Variants in CDK19 observed in about 807,000 individuals in gnomAD.
CDK19 encodes cyclin dependent kinase 19.
Under a neutral mutation model 68.3 loss-of-function variants are expected in CDK19, and 20 were observed. The ratio of observed to expected loss-of-function variants is 0.29; its 90% CI spans 0.21 to 0.43. The LOEUF is 0.43. Ranked by LOEUF, CDK19 falls within the 20% of genes least tolerant of loss-of-function variation. The probability of loss-of-function intolerance (pLI) is 1.00; values close to 1 mark genes in which losing one functional copy is unlikely to be tolerated. For missense variants in CDK19, 339 were observed against 623.5 expected (o/e 0.54, Z 4.86); for synonymous variants, 221 against 222.8 (o/e 0.99, Z 0.07).
At chr6:110,744,019 T>TTTG (rs1777884602) in intron 2 of CDK19, among the ~76,000 whole-genome samples, 1 of 148,410 alleles carries the variant, frequency 6.7e-6, no homozygotes, top group African/African-American at 2.5e-5. Flanking sequence ...ACGTTTTTTT[T>TTTG]TTTTTTTTTT....
At chr6:110,630,422 ATCC>A (rs1288750537) in intron 6 of CDK19, among the ~76,000 whole-genome samples, 23 of 152,132 alleles carry the variant, frequency 1.5e-4, no homozygotes, top group Admixed American at 1.5e-3. Context: ...GTCTCTTCCT[ATCC>A]TCTGGTTCCT....
At chr6:110,614,713 A>AGCATC in intron 12 of CDK19, 47 bp from the exon 13 acceptor site, 2 of 1,595,878 alleles carry the variant, frequency 1.3e-6, no homozygotes, top group Non-Finnish European at 1.7e-6. Flanking sequence ...GAGGAAGAGG[A>AGCATC]TGACTCAAGA....
chr6:110,749,418 T>G (rs1778306561), intron 1 of CDK19, among the ~76,000 whole-genome samples: 1 of 146,636 alleles, frequency 6.8e-6, no homozygotes, highest in Admixed American at 6.7e-5. Flanking sequence ...CCAAGTACAG[T>G]AGCACGATCT....
chr6:110,745,004 A>C (rs1402317591), intron 2 of CDK19, among the ~76,000 whole-genome samples: 10 of 152,240 alleles, frequency 6.6e-5, no homozygotes, highest in Non-Finnish European at 5.9e-5. Flanking sequence ...CGGACAATAT[A>C]ATTATTTAAC....
In CDK19 at chr6:110,624,688, T is replaced by C. The variant is rs1778974772; in HGVS notation, c.861-1326A>G. ...ATAAACATTTTCTTTTGTCAAATAA[T>C]CTTCAAACTTATTATTTTGAGTGGC... On this transcript the variant is annotated intron_variant, in intron 8 of 12. Transcript: ENST00000368911. Among the ~76,000 whole-genome samples the C allele has an allele frequency of 3.3e-5, 5 of 152,350 alleles. No homozygotes were observed. The South Asian group carries it at 1.0e-3, about 32-fold the overall frequency.
chr6:110,646,519 C>T (rs1780591561), intron 4 of CDK19: 2 of 1,314,428 alleles, frequency 1.5e-6, no homozygotes, highest in South Asian at 1.6e-5. Flanking sequence ...GGGAAACCGA[C>T]GTGCGCCTCC....
chr6:110,672,509 T>C (rs1245669029), intron 2 of CDK19, among the ~76,000 whole-genome samples: 1 of 152,248 alleles, frequency 6.6e-6, no homozygotes, highest in Non-Finnish European at 1.5e-5. Flanking sequence ...TACATTCATA[T>C]GGTTCAAAAA....
intron 4 of CDK19, among the ~76,000 whole-genome samples, chr6:110,667,144 A>T (rs1040858609): frequency 2.0e-5 from 3 of 152,188 alleles, no homozygotes; most frequent in Non-Finnish European, 4.4e-5. Flanking sequence ...TGAAATGTGC[A>T]TGCTTCACAT....
Position 110,815,350 on chromosome 6 carries a change from T to G in CDK19, c.-214A>C. ...CTCCTCCACCTCTTCCTCCTCCTCC[T>G]CCGCGACGGCGGCGGCGGCTCCCGC... is the stretch of plus-strand genomic sequence containing the variant. On this transcript the variant is annotated 5_prime_UTR_variant, in exon 1 of 13. Coordinates refer to ENST00000368911, the MANE Select transcript of CDK19 (RefSeq NM_015076.5). 10 of 378,308 alleles carry G rather than the reference T, an allele frequency of 2.6e-5. No individual in the cohort carries two copies. Among genetic ancestry groups the G allele is most frequent in the Non-Finnish European group, 3.6e-5 (8 of 220,416 alleles). The allele number at this position is 378,308 out of a possible 1,614,324, so 23.4% of individuals were successfully genotyped here. A position where few individuals can be genotyped will look rare whatever the true frequency, so the allele number is the denominator to read the frequency against.
chr6:110,808,270 G>C (rs915837619), intron 1 of CDK19, among the ~76,000 whole-genome samples: 2 of 152,154 alleles, frequency 1.3e-5, no homozygotes, highest in African/African-American at 2.4e-5. Context: ...CTTGTGGCTA[G>C]CATATTGGAC....
At chr6:110,710,523 C>T (rs1014866597) in intron 2 of CDK19, among the ~76,000 whole-genome samples, 4 of 152,172 alleles carry the variant, frequency 2.6e-5, no homozygotes, top group Admixed American at 2.0e-4. Context: ...TACCATAGAA[C>T]GGTTAGCTTA....
At chr6:110,620,262 T>C (rs1562125384) in intron 12 of CDK19, among the ~76,000 whole-genome samples, 1 of 152,196 alleles carries the variant, frequency 6.6e-6, no homozygotes, top group Non-Finnish European at 1.5e-5. Flanking sequence ...TTTCTCTTTA[T>C]TGCAGTTCCT....
At chr6:110,753,000 A>C (rs1778581468) in intron 1 of CDK19, among the ~76,000 whole-genome samples, 1 of 151,898 alleles carries the variant, frequency 6.6e-6, no homozygotes, top group African/African-American at 2.4e-5. Context: ...TACGACCTCA[A>C]CTCACTGCAG....
chr6:110,759,420 A>ATATATATATAT (rs1426687992), intron 1 of CDK19, among the ~76,000 whole-genome samples: 1 of 116,130 alleles, frequency 8.6e-6, no homozygotes, highest in African/African-American at 3.9e-5. Context: ...AAAAAAAAAA[A>ATATATATATAT]AAAAAAAAAT....
At chr6:110,750,264 T>C (rs1225712673) in intron 1 of CDK19, among the ~76,000 whole-genome samples, 2 of 123,324 alleles carry the variant, frequency 1.6e-5, no homozygotes, top group Non-Finnish European at 3.6e-5. Context: ...CCTGGATGAG[T>C]AGAACAGAAT....
intron 1 of CDK19, among the ~76,000 whole-genome samples, chr6:110,779,856 G>A (rs1340034178): frequency 6.6e-6 from 1 of 151,832 alleles, no homozygotes; most frequent in Non-Finnish European, 1.5e-5. Context: ...AGGCTGAGGT[G>A]GGCAGATTAC....
At chr6:110,617,662 T>TATATATAC (rs755618032) in intron 12 of CDK19, among the ~76,000 whole-genome samples, 49 of 107,152 alleles carry the variant, frequency 4.6e-4, no homozygotes, top group Middle Eastern at 5.1e-3. Flanking sequence ...TATATATATA[T>TATATATAC]ACACACACAC....
At chr6:110,625,317 G>A (rs1196532318) in intron 8 of CDK19, among the ~76,000 whole-genome samples, 2 of 151,832 alleles carry the variant, frequency 1.3e-5, no homozygotes, top group Admixed American at 1.3e-4. Context: ...TAGCATATGC[G>A]TAATAATTTT....
At chr6:110,615,375 T>C (rs1402911445) in intron 12 of CDK19, among the ~76,000 whole-genome samples, 2 of 152,106 alleles carry the variant, frequency 1.3e-5, no homozygotes, top group Non-Finnish European at 2.9e-5. Context: ...AAAAAAAATG[T>C]GTAAAAGGAA....
Sources: gnomAD v4.1 joint callset for allele counts (sites outside exome capture counted in the v4.1 genomes callset) on GRCh38, gnomAD v4.1.1 for gene constraint, MANE v1.5 for transcripts, NCBI Gene and HGNC (gene_info 2026-07-23, HGNC 2026-07-21) for gene names.